The following RBP2 variants were observed in gnomAD, a reference collection of about 807,000 sequenced individuals.
RBP2 encodes the protein retinol-binding protein 2.
Under a neutral mutation model 17.0 loss-of-function variants are expected in RBP2, and 17 were observed. The observed-to-expected ratio is 1.00, with a 90% CI of 0.68 to 1.50. The LOEUF is 1.50. Ranked by LOEUF, RBP2 falls within the 40% of genes most tolerant of loss-of-function variation. RBP2 has a pLI of 0.00. For synonymous variants in RBP2, 48 were observed against 57.1 expected (o/e 0.84, Z 0.72); for missense variants, 158 against 168.2 (o/e 0.94, Z 0.33).
rs1933609460 is a variant in RBP2, at chr3:139,472,822, A to G, written c.73+3565T>C. ...TCAAACAGTAATAAAAAACAGGAAT[A>G]CCATTTGTGCATGGCTGTAACCTGA... On this transcript the variant is annotated intron_variant, in intron 1 of 3. Transcript: ENST00000232217. Among the ~76,000 whole-genome samples the G allele has an allele frequency of 2.0e-5, 3 of 152,246 alleles. No individual in the cohort carries two copies. In the South Asian group the frequency reaches 6.2e-4, roughly 32 times the overall value.
chr3:139,468,304 C>A (rs1307294584), intron 1 of RBP2, among the ~76,000 whole-genome samples: 1 of 152,180 alleles, frequency 6.6e-6, no homozygotes, highest in African/African-American at 2.4e-5. Context: ...GCAACTAACA[C>A]CTCCGCTCCC....
At chr3:139,469,656 G>A (rs975589453) in intron 1 of RBP2, among the ~76,000 whole-genome samples, 5 of 142,722 alleles carry the variant, frequency 3.5e-5, no homozygotes, top group African/African-American at 1.2e-4. Flanking sequence ...TGGAGCATCA[G>A]ACATCTATCT....
intron 1 of RBP2, among the ~76,000 whole-genome samples, chr3:139,469,683 G>GTCTATCTATCTATCTATCTA (rs1187927537): frequency 1.6e-5 from 2 of 127,550 alleles, no homozygotes; most frequent in Non-Finnish European, 3.6e-5. Context: ...CTGTCTGTCT[G>GTCTATCTATCTATCTATCTA]TCTGTCTATC....
chr3:139,458,181 A>G (rs758233319), intron 2 of RBP2, among the ~76,000 whole-genome samples: 4 of 146,478 alleles, frequency 2.7e-5, no homozygotes, highest in Non-Finnish European at 6.0e-5. Context: ...AGTTGGAATT[A>G]CTCGCCAACA....
intron 1 of RBP2, among the ~76,000 whole-genome samples, chr3:139,463,553 AC>A (rs945117265): frequency 6.6e-6 from 1 of 152,210 alleles, no homozygotes; most frequent in Non-Finnish European, 1.5e-5. Flanking sequence ...GTTGAAACAA[AC>A]CGAAGGAGTG....
chr3:139,467,517 T>C (rs975697606), intron 1 of RBP2, among the ~76,000 whole-genome samples: 4 of 152,180 alleles, frequency 2.6e-5, no homozygotes, highest in Non-Finnish European at 5.9e-5. Context: ...TGTCTCTTAT[T>C]TCCTAGCTAG....
intron 2 of RBP2, among the ~76,000 whole-genome samples, chr3:139,459,139 C>T (rs1369854394): frequency 2.0e-5 from 3 of 152,052 alleles, no homozygotes; most frequent in Admixed American, 1.3e-4. Context: ...GTAGTTGAGA[C>T]ATGGAGCCCT....
intron 1 of RBP2, among the ~76,000 whole-genome samples, chr3:139,464,176 G>A (rs373669679): frequency 6.6e-6 from 1 of 152,042 alleles, no homozygotes; most frequent in African/African-American, 2.4e-5. Context: ...ATCCTTCTTT[G>A]GGTCTGGGCC....
chr3:139,470,822 T>C (rs757047680), intron 1 of RBP2, among the ~76,000 whole-genome samples: 1 of 152,040 alleles, frequency 6.6e-6, no homozygotes, highest in Non-Finnish European at 1.5e-5. Flanking sequence ...CCTGGCCTCA[T>C]GTCACCCTCT....
chr3:139,470,044 C>T (rs572486240), intron 1 of RBP2, among the ~76,000 whole-genome samples: 8 of 152,216 alleles, frequency 5.3e-5, no homozygotes, highest in Non-Finnish European at 1.0e-4. Flanking sequence ...CTGAATTTAT[C>T]TCTGACTATA....
At chr3:139,459,422 G>T (rs1192287150) in intron 2 of RBP2, among the ~76,000 whole-genome samples, 2 of 148,280 alleles carry the variant, frequency 1.3e-5, no homozygotes, top group African/African-American at 5.0e-5. Flanking sequence ...GTGTGTGTGT[G>T]TGTGTGTGTA....
At chr3:139,457,164 C>G (rs920450539) in intron 2 of RBP2, among the ~76,000 whole-genome samples, 1 of 152,200 alleles carries the variant, frequency 6.6e-6, no homozygotes, top group Non-Finnish European at 1.5e-5. Flanking sequence ...TTCTGCAACA[C>G]CAGACTCAGC....
intron 1 of RBP2, among the ~76,000 whole-genome samples, chr3:139,472,288 A>G (rs988774441): frequency 1.3e-5 from 2 of 152,226 alleles, no homozygotes; most frequent in African/African-American, 4.8e-5. Flanking sequence ...CATCTGTGGC[A>G]GATTATATTT....
intron 1 of RBP2, among the ~76,000 whole-genome samples, chr3:139,465,253 A>G (rs1380142101): frequency 1.3e-5 from 2 of 152,180 alleles, no homozygotes; most frequent in African/African-American, 2.4e-5. Flanking sequence ...TCTGCGAGCC[A>G]TGCTGTGTGG....
intron 3 of RBP2, 129 bp downstream of exon 3, chr3:139,454,600 C>T (rs1435202732): frequency 5.1e-6 from 4 of 778,370 alleles, no homozygotes; most frequent in East Asian, 2.5e-5. Flanking sequence ...GACTATATGA[C>T]CACATGCATT....
At chr3:139,467,045 G>A (rs969727669) in intron 1 of RBP2, among the ~76,000 whole-genome samples, 1 of 152,114 alleles carries the variant, frequency 6.6e-6, no homozygotes, top group Non-Finnish European at 1.5e-5. Flanking sequence ...ATTCTTTCCT[G>A]CAGTTTCACC....
chr3:139,459,090 G>A (rs576467919), intron 2 of RBP2, among the ~76,000 whole-genome samples: 5 of 152,188 alleles, frequency 3.3e-5, no homozygotes, highest in Admixed American at 2.0e-4. Context: ...CCACACTGCC[G>A]AGTGGGGAGA....
At chr3:139,472,502 T>G (rs1374863944) in intron 1 of RBP2, among the ~76,000 whole-genome samples, 1 of 152,168 alleles carries the variant, frequency 6.6e-6, no homozygotes, top group Non-Finnish European at 1.5e-5. Context: ...AGCTTGTATC[T>G]CTTCTCTTTG....
In RBP2 at chr3:139,453,115, A is replaced by G. The variant is rs757050762; in HGVS notation, c.*1T>C. On this transcript the variant is annotated 3_prime_UTR_variant, in exon 4 of 4. Transcript: ENST00000232217. ...TGCTTGGCAGGCCTCCCACGTCGCC[A>G]TCATTTCTTTTTGAACACTTGACGG... 17 of 1,614,036 alleles carry G rather than the reference A, an allele frequency of 1.1e-5. No individual in the cohort carries two copies. Among genetic ancestry groups the G allele is most frequent in the Non-Finnish European group, 1.2e-5 (14 of 1,180,038 alleles).
Sources: allele counts gnomAD v4.1 joint callset (sites outside exome capture counted in the v4.1 genomes callset), GRCh38; gene constraint gnomAD v4.1.1; transcripts MANE v1.5; gene names NCBI Gene and HGNC (gene_info 2026-07-23, HGNC 2026-07-21).